ATP2B2: variants seen among roughly 807,000 people sequenced by gnomAD.
The protein encoded by ATP2B2 is plasma membrane calcium-transporting ATPase 2.
A neutral mutation model predicts 120.0 loss-of-function variants in ATP2B2; 15 were observed. The observed-to-expected ratio is 0.12, with a 90% CI of 0.08 to 0.19. The LOEUF (loss-of-function observed/expected upper bound fraction) is 0.19. ATP2B2 is among the 10% of genes least tolerant of loss of function. The pLI, the probability that ATP2B2 is intolerant of heterozygous loss-of-function variation, is 1.00. For synonymous variants in ATP2B2, 694 were observed against 700.3 expected, an observed-to-expected ratio of 0.99 and a Z score of 0.14; for missense variants, 1,045 against 1,719.8, an observed-to-expected ratio of 0.61 and a Z score of 6.94.
At chr3:10,401,165 AGGTTTGCCATCAG>A in intron 4 of ATP2B2, 87 bp from the exon 5 acceptor site, 1 of 1,552,538 alleles carries the variant, frequency 6.4e-7, no homozygotes, top group Non-Finnish European at 8.8e-7. Flanking sequence ...TTACCAGGGA[AGGTTTGCCATCAG>A]GGACAGAATG....
chr3:10,596,407 T>C (rs2068765404), intron 2 of ATP2B2, among the ~76,000 whole-genome samples: 1 of 152,250 alleles, frequency 6.6e-6, no homozygotes, highest in Admixed American at 6.5e-5. Flanking sequence ...GCTGAAGGAA[T>C]GAACTTCGTA....
rs79383053 is a variant in ATP2B2 at position 10,396,706 on chromosome 3, A to G, written c.781+4247T>C. Reference sequence around the variant, plus strand: ...AGGCTGCTGCAGGCTGAAGGTAGGGAGGAGTTGGATGATGAAGAGGAAGGG... The same window carrying G: ...AGGCTGCTGCAGGCTGAAGGTAGGGGGGAGTTGGATGATGAAGAGGAAGGG... On this transcript the variant is annotated intron_variant, in intron 5 of 22. Coordinates refer to ENST00000360273, the MANE Select transcript of ATP2B2 (RefSeq NM_001001331.4). 7.1e-3 allele frequency among the ~76,000 whole-genome samples: 1,084 copies of G among 152,322 alleles called. 15 individuals are homozygous for G. Among genetic ancestry groups the G allele is most frequent in the African/African-American group, 0.025 (1,038 of 41,566 alleles).
rs573083145 is a variant in ATP2B2, at chr3:10,439,592, T to C, written c.199+9753A>G. 9.2e-5 allele frequency among the ~76,000 whole-genome samples: 14 copies of C among 152,366 alleles called. No homozygotes were observed. The South Asian group carries it at 1.0e-3, about 11-fold the overall frequency. On this transcript the variant is annotated intron_variant, in intron 2 of 22. Transcript: ENST00000360273. ...TAACAAATGATGCATTAAGAACTTA[T>C]GTGATCTGTGCCCCAACCCAGGCTT...
rs143330669 is a variant in ATP2B2, at chr3:10,619,363, T to A, written c.-415+554A>T. On this transcript the variant is annotated intron_variant, in intron 2 of 21. Transcript: ENST00000646379. ...GACCTCTGCAGGCTCCCAGGCCCCA[T>A]CCAGGCTTCCCCTTCTCAAGGCTTC... is the stretch of plus-strand genomic sequence containing the variant. Among the ~76,000 whole-genome samples, 116 of 152,256 alleles carry A rather than the reference T, an allele frequency of 7.6e-4. 1 individual carries two copies. Among genetic ancestry groups the A allele is most frequent in the African/African-American group, 2.8e-3 (115 of 41,546 alleles).
intron 2 of ATP2B2, among the ~76,000 whole-genome samples, chr3:10,434,006 C>T (rs934909097): frequency 1.3e-5 from 2 of 152,032 alleles, no homozygotes; most frequent in Non-Finnish European, 2.9e-5. Context: ...AAGTAGTTAC[C>T]CAATAAATTG....
chr3:10,538,054 T>G (rs934176666), intron 2 of ATP2B2, among the ~76,000 whole-genome samples: 5 of 152,264 alleles, frequency 3.3e-5, no homozygotes, highest in African/African-American at 1.2e-4. Flanking sequence ...TAATGTTTTG[T>G]TAAAGATTTT....
chr3:10,642,273 A>G (rs887644411), intron 1 of ATP2B2, among the ~76,000 whole-genome samples: 2 of 152,358 alleles, frequency 1.3e-5, no homozygotes, highest in Admixed American at 1.3e-4. Flanking sequence ...CTATTCATGT[A>G]CAGCACTTTG....
chr3:10,410,528 A>G, intron 3 of ATP2B2, 90 bp downstream of exon 3: 1 of 1,430,278 alleles, frequency 7.0e-7, no homozygotes, highest in Admixed American at 2.2e-5. Context: ...CTGGGAGGAG[A>G]GGATTATTTG....
chr3:10,456,228 G>C (rs1043868191), intron 1 of ATP2B2, among the ~76,000 whole-genome samples: 1 of 152,238 alleles, frequency 6.6e-6, no homozygotes, highest in Non-Finnish European at 1.5e-5. Context: ...AGCTGGGACA[G>C]TCGTACATGA....
At chr3:10,449,251 C>A in intron 2 of ATP2B2, 94 bp downstream of exon 2, 3 of 1,373,876 alleles carry the variant, frequency 2.2e-6, no homozygotes, top group East Asian at 2.4e-5. Flanking sequence ...TCTGACACAT[C>A]CCTGCTGTTA....
At position 10,346,668 on chromosome 3, in the gene ATP2B2, A is replaced by G. The variant is rs2060440984; in HGVS notation, c.2405-531T>C. Reference sequence around the variant, plus strand: ...ACATTCATCTTCAATAAAACATTCAACGAATAACAGAATGAACAAATGACA... The same window carrying G: ...ACATTCATCTTCAATAAAACATTCAGCGAATAACAGAATGAACAAATGACA... On this transcript the variant is annotated intron_variant, in intron 16 of 22. Coordinates refer to ENST00000360273, the MANE Select transcript of ATP2B2 (RefSeq NM_001001331.4). This position sits in a 1 kb window ranked among gnomAD's most constrained non-coding sequence, Gnocchi z 4.1. Among the ~76,000 whole-genome samples the G allele has an allele frequency of 6.6e-6, 1 of 152,086 alleles. No individual in the cohort carries two copies. The highest frequency in any genetic ancestry group is 2.4e-5 in the African/African-American group (1 of 41,420).
intron 1 of ATP2B2, among the ~76,000 whole-genome samples, chr3:10,623,052 CTCT>C (rs760941222): frequency 6.4e-5 from 7 of 109,742 alleles, no homozygotes; most frequent in Non-Finnish European, 1.3e-4. Context: ...CCTTGGTCAG[CTCT>C]TTTTTTTTTT....
intron 1 of ATP2B2, among the ~76,000 whole-genome samples, chr3:10,629,975 G>T (rs2125636671): frequency 6.6e-6 from 1 of 152,298 alleles, no homozygotes; most frequent in South Asian, 2.1e-4. Flanking sequence ...AGCCAGTGGA[G>T]AAGCCATCAG....
chr3:10,328,479 A>G lies in ATP2B2; in HGVS notation c.*335T>C, dbSNP rs1020941083. 6.4e-6 allele frequency: 2 copies of G among 314,366 alleles called. No homozygotes were observed. Among genetic ancestry groups the G allele is most frequent in the South Asian group, 4.7e-5 (1 of 21,376 alleles). 19.5% of individuals were successfully genotyped at this position (314,366 alleles called of 1,614,324 possible). On this transcript the variant is annotated 3_prime_UTR_variant, in exon 23 of 23. Transcript: ENST00000360273. ...AACAAGGGGAGGATTGAAAGTGTAC[A>G]GTACATTCATGCGGGGGACGTGGTG...
intron 2 of ATP2B2, among the ~76,000 whole-genome samples, chr3:10,555,783 G>A (rs1366331258): frequency 6.6e-6 from 1 of 152,216 alleles, no homozygotes; most frequent in Non-Finnish European, 1.5e-5. Context: ...GGCAGTGGCT[G>A]TTTTCACTAG....
intron 1 of ATP2B2, among the ~76,000 whole-genome samples, chr3:10,484,161 G>T (rs1226232217): frequency 3.3e-5 from 5 of 152,194 alleles, no homozygotes; most frequent in Non-Finnish European, 7.3e-5. Context: ...GTTTCCCAAG[G>T]TCCCTGGGGA....
intron 2 of ATP2B2, among the ~76,000 whole-genome samples, chr3:10,440,573 T>C (rs2063630876): frequency 6.6e-6 from 1 of 152,216 alleles, no homozygotes; most frequent in Admixed American, 6.5e-5. Context: ...ACAGGGCCTT[T>C]GCTCACGCCC....
intron 1 of ATP2B2, among the ~76,000 whole-genome samples, chr3:10,498,048 A>T (rs1246433126): frequency 5.3e-5 from 8 of 152,322 alleles, no homozygotes; most frequent in African/African-American, 1.9e-4. Context: ...TATATTTAAG[A>T]AATAAAAGGC....
intron 2 of ATP2B2, among the ~76,000 whole-genome samples, chr3:10,597,877 C>T (rs1010089222): frequency 3.3e-5 from 5 of 152,192 alleles, no homozygotes; most frequent in South Asian, 2.1e-4. Context: ...AAATGGCCCT[C>T]AAGCTACCAC....
Sources: allele counts gnomAD v4.1 joint callset (sites outside exome capture counted in the v4.1 genomes callset), GRCh38; gene constraint gnomAD v4.1.1; non-coding constraint Gnocchi (gnomAD v3.1); transcripts MANE v1.5; gene names NCBI Gene and HGNC (gene_info 2026-07-23, HGNC 2026-07-21).